The following SUMF1 variants were observed in gnomAD, a reference collection of about 807,000 sequenced individuals.
SUMF1 encodes formylglycine-generating enzyme.
In SUMF1, 48 loss-of-function variants were observed where a neutral mutation model predicts 47.6. The observed-to-expected ratio is 1.01, with a 90% CI of 0.80 to 1.28. The LOEUF is 1.28. Ranked by LOEUF, SUMF1 falls within the 50% of genes most tolerant of loss-of-function variation. SUMF1 has a pLI of 0.00. For synonymous variants in SUMF1, 230 were observed against 192.1 expected (o/e 1.20, Z -1.63); for missense variants, 571 against 485.4 (o/e 1.18, Z -1.66).
chr3:4,098,793 A>T (rs771309181), intron 8 of SUMF1, among the ~76,000 whole-genome samples: 1 of 152,208 alleles, frequency 6.6e-6, no homozygotes, highest in East Asian at 1.9e-4. Flanking sequence ...AAAAAAAGTT[A>T]AAGATTAAAA....
chr3:4,054,054 T>G (rs1695154605), intron 9 of SUMF1, among the ~76,000 whole-genome samples: 2 of 151,978 alleles, frequency 1.3e-5, no homozygotes, highest in Non-Finnish European at 2.9e-5. Context: ...AGTAACATAC[T>G]CAAAAAAGAA....
intron 8 of SUMF1, among the ~76,000 whole-genome samples, chr3:4,277,046 A>ACC (rs1697434733): frequency 1.3e-5 from 2 of 152,146 alleles, no homozygotes; most frequent in Non-Finnish European, 2.9e-5. Context: ...TTTGGAGATA[A>ACC]TCTAATCCAG....
intron 8 of SUMF1, among the ~76,000 whole-genome samples, chr3:4,213,123 G>C (rs1695836238): frequency 6.6e-6 from 1 of 152,018 alleles, no homozygotes; most frequent in Non-Finnish European, 1.5e-5. Flanking sequence ...GATTCACCAA[G>C]GTTGAAATTA....
At chr3:4,104,892 T>C (rs1430140955) in intron 8 of SUMF1, among the ~76,000 whole-genome samples, 5 of 152,068 alleles carry the variant, frequency 3.3e-5, no homozygotes, top group African/African-American at 9.7e-5. Context: ...TTCAAAGGGA[T>C]TGAAATCAGT....
chr3:4,092,754 A>C (rs2125054368), intron 8 of SUMF1, among the ~76,000 whole-genome samples: 1 of 152,288 alleles, frequency 6.6e-6, no homozygotes, highest in South Asian at 2.1e-4. Context: ...AACACAATCC[A>C]AGTCTAGAGA....
At chr3:4,180,565 G>C (rs976568146) in intron 8 of SUMF1, among the ~76,000 whole-genome samples, 7 of 151,908 alleles carry the variant, frequency 4.6e-5, no homozygotes, top group Non-Finnish European at 1.0e-4. Flanking sequence ...CTGGGGGAGG[G>C]ATAGCATTAG....
At chr3:4,145,976 CAG>C (rs1255859091) in intron 8 of SUMF1, among the ~76,000 whole-genome samples, 1 of 152,056 alleles carries the variant, frequency 6.6e-6, no homozygotes, top group African/African-American at 2.4e-5. Context: ...CATGAGCTAA[CAG>C]AGAGGGAAAA....
chr3:4,456,031 A>C (rs1274948397), intron 1 of SUMF1, among the ~76,000 whole-genome samples: 1 of 152,240 alleles, frequency 6.6e-6, no homozygotes, highest in Non-Finnish European at 1.5e-5. Context: ...TACCAAAATT[A>C]AGTGGGGTTT....
chr3:4,064,759 G>T lies in SUMF1; in HGVS notation c.1191+3810C>A, dbSNP rs113363201. Among the ~76,000 whole-genome samples the T allele has an allele frequency of 9.8e-3, 1,486 of 152,270 alleles. 25 individuals carry two copies. Among genetic ancestry groups the T allele is most frequent in the South Asian group, 0.028 (134 of 4,822 alleles). ...TTGAACCCAGGTCTACAGAACGCAT[G>T]CTCTTAACCACTGTGCTCTAATCAT... is the stretch of plus-strand genomic sequence containing the variant. On this transcript the variant is annotated intron_variant and NMD_transcript_variant, in intron 9 of 12. Transcript: ENST00000448413.
In SUMF1 at chr3:4,388,407, A is replaced by G. The variant is rs74830597; in HGVS notation, c.955-12018T>C. 7.2e-4 allele frequency among the ~76,000 whole-genome samples: 109 copies of G among 152,202 alleles called. No homozygotes were observed. In the East Asian group the frequency reaches 0.016, roughly 22 times the overall value. ...TGACTTTCCTTTGATTAATGTTTAC[A>G]TAATATATATTTTCCCATCATTTTG... On this transcript the variant is annotated intron_variant, in intron 7 of 8. Transcript: ENST00000272902.
intron 8 of SUMF1, among the ~76,000 whole-genome samples, chr3:4,202,518 A>G (rs772930796): frequency 1.1e-4 from 17 of 152,000 alleles, no homozygotes; most frequent in Non-Finnish European, 2.2e-4. Flanking sequence ...GCTCTGTAGT[A>G]TAATTTGAAC....
intron 8 of SUMF1, among the ~76,000 whole-genome samples, chr3:4,334,149 C>A (rs201436275): frequency 1.3e-5 from 2 of 150,252 alleles, no homozygotes; most frequent in Non-Finnish European, 1.5e-5. Flanking sequence ...TTTAAGTCAA[C>A]TAAAAAAAAA....
chr3:4,236,619 T>A (rs1191425453), intron 8 of SUMF1, among the ~76,000 whole-genome samples: 1 of 151,964 alleles, frequency 6.6e-6, no homozygotes, highest in Non-Finnish European at 1.5e-5. Context: ...ACAAACTTTG[T>A]TCTCTAGAGC....
At chr3:4,097,150 G>T (rs988838633) in intron 8 of SUMF1, among the ~76,000 whole-genome samples, 2 of 152,100 alleles carry the variant, frequency 1.3e-5, no homozygotes, top group East Asian at 1.9e-4. Flanking sequence ...GCTCAAAAAT[G>T]TCCAACAGAG....
At chr3:4,300,205 C>A (rs1204082679) in intron 8 of SUMF1, among the ~76,000 whole-genome samples, 1 of 152,148 alleles carries the variant, frequency 6.6e-6, no homozygotes, top group East Asian at 1.9e-4. Flanking sequence ...GCACCTGCCC[C>A]AACCCCCACT....
intron 8 of SUMF1, among the ~76,000 whole-genome samples, chr3:4,211,269 C>G (rs577175477): frequency 2.3e-5 from 3 of 131,560 alleles, no homozygotes; most frequent in African/African-American, 8.6e-5. Context: ...ACTAATATAC[C>G]CAGGTACTAA....
chr3:4,355,587 G>A (rs1272840328), intron 8 of SUMF1, among the ~76,000 whole-genome samples: 1 of 152,186 alleles, frequency 6.6e-6, no homozygotes, highest in Non-Finnish European at 1.5e-5. Context: ...TCTTCTGATA[G>A]TCTGTTAGTG....
chr3:4,457,849 T>C (rs1285029705), intron 1 of SUMF1, among the ~76,000 whole-genome samples: 2 of 152,166 alleles, frequency 1.3e-5, no homozygotes, highest in Non-Finnish European at 2.9e-5. Context: ...TTTCTTGGAC[T>C]TGACCCCAAA....
chr3:4,117,928 G>A (rs1229278469), intron 8 of SUMF1, among the ~76,000 whole-genome samples: 1 of 151,858 alleles, frequency 6.6e-6, no homozygotes, highest in East Asian at 1.9e-4. Flanking sequence ...AAGAAGACAT[G>A]GTTCCCACCA....
Sources: gnomAD v4.1 joint callset for allele counts (sites outside exome capture counted in the v4.1 genomes callset) on GRCh38, gnomAD v4.1.1 for gene constraint, MANE v1.5 for transcripts, NCBI Gene and HGNC (gene_info 2026-07-23, HGNC 2026-07-21) for gene names.